The following ADAMTS18 variants were observed in gnomAD, a reference collection of about 807,000 sequenced individuals.
The protein encoded by ADAMTS18 is ADAM metallopeptidase with thrombospondin type 1 motif 18.
ADAMTS18 carries 157 observed loss-of-function variants against 165.9 expected under a neutral mutation model. That is an observed-to-expected ratio of 0.95 (90% CI 0.83 to 1.08). The LOEUF (loss-of-function observed/expected upper bound fraction) is 1.08. ADAMTS18 is among the 50% of genes least tolerant of loss of function. The pLI, the probability that ADAMTS18 is intolerant of heterozygous loss-of-function variation, is 0.00. For synonymous variants in ADAMTS18, 782 were observed against 578.2 expected, an observed-to-expected ratio of 1.35 and a Z score of -5.06; for missense variants, 2,040 against 1,534.0, an observed-to-expected ratio of 1.33 and a Z score of -5.51.
chr16:77,385,660 G>A (rs1313183851), intron 3 of ADAMTS18, among the ~76,000 whole-genome samples: 2 of 152,186 alleles, frequency 1.3e-5, no homozygotes, highest in Non-Finnish European at 2.9e-5. Flanking sequence ...GGAATCAGCT[G>A]TTAAGAGATG....
intron 3 of ADAMTS18, among the ~76,000 whole-genome samples, chr16:77,403,926 T>C (rs973666371): frequency 2.6e-5 from 4 of 152,078 alleles, no homozygotes; most frequent in Admixed American, 6.6e-5. Flanking sequence ...GAAGGAAGGC[T>C]TTCCTAAGAG....
intron 3 of ADAMTS18, among the ~76,000 whole-genome samples, chr16:77,426,157 T>C (rs2057670069): frequency 6.6e-6 from 1 of 152,174 alleles, no homozygotes. Context: ...GTATGAAATA[T>C]GTTAAAGATG....
At chr16:77,397,855 T>A (rs1416930247) in intron 3 of ADAMTS18, among the ~76,000 whole-genome samples, 1 of 152,214 alleles carries the variant, frequency 6.6e-6, no homozygotes, top group African/African-American at 2.4e-5. Flanking sequence ...GCACCTTCCC[T>A]ACTGAGATGT....
At chr16:77,297,550 T>TA (rs2055498086) in intron 17 of ADAMTS18, 135 bp from the exon 18 acceptor site, 1 of 866,568 alleles carries the variant, frequency 1.2e-6, no homozygotes, top group East Asian at 2.6e-5. Flanking sequence ...GTGGAACGCT[T>TA]CCTTTTGATG....
chr16:77,397,491 C>T (rs539909930), intron 3 of ADAMTS18, among the ~76,000 whole-genome samples: 65 of 152,290 alleles, frequency 4.3e-4, no homozygotes, highest in Admixed American at 7.8e-4. Flanking sequence ...TTCTTTTTGA[C>T]AAGTTTAATG....
At chr16:77,332,046 C>G (rs2056197929) in intron 12 of ADAMTS18, among the ~76,000 whole-genome samples, 1 of 152,284 alleles carries the variant, frequency 6.6e-6, no homozygotes, top group South Asian at 2.1e-4. Flanking sequence ...AAGCACTTCA[C>G]AAATGTTAAC....
intron 22 of ADAMTS18, among the ~76,000 whole-genome samples, chr16:77,284,330 G>C (rs1228651783): frequency 2.6e-5 from 4 of 152,008 alleles, no homozygotes; most frequent in African/African-American, 7.3e-5. Flanking sequence ...TTTCCACCAT[G>C]CTGGCCAGGC....
chr16:77,420,204 A>C (rs1190685738), intron 3 of ADAMTS18, among the ~76,000 whole-genome samples: 5 of 151,834 alleles, frequency 3.3e-5, no homozygotes, highest in Admixed American at 1.3e-4. Flanking sequence ...GCAACTAGTA[A>C]GTCTAATTAT....
rs2056723670 is a variant in ADAMTS18 at position 77,362,097 on chromosome 16, T to C, written c.1216+8A>G. 1 of 1,613,932 alleles carries C rather than the reference T, an allele frequency of 6.2e-7. No homozygotes were observed. On this transcript the variant is annotated splice_region_variant and intron_variant, in intron 7 of 22. Transcript: ENST00000282849. ...CAGGTGTGTGTGAAGGATCTGTTCATACCATACCTAGAGTGTCACATGGTT... is the reference window on the plus strand; with the variant it reads ...CAGGTGTGTGTGAAGGATCTGTTCACACCATACCTAGAGTGTCACATGGTT...
At chr16:77,397,733 T>C (rs887928565) in intron 3 of ADAMTS18, among the ~76,000 whole-genome samples, 1 of 152,248 alleles carries the variant, frequency 6.6e-6, no homozygotes, top group African/African-American at 2.4e-5. Flanking sequence ...GTTGAGTAAG[T>C]TGCCCACATT....
intron 3 of ADAMTS18, among the ~76,000 whole-genome samples, chr16:77,394,365 C>T (rs1024615175): frequency 5.9e-5 from 9 of 152,110 alleles, no homozygotes; most frequent in Non-Finnish European, 1.2e-4. Flanking sequence ...CCTCTCCGAG[C>T]TTCAGGGATC....
chr16:77,318,574 C>CTATG (rs2055929270), intron 16 of ADAMTS18, among the ~76,000 whole-genome samples: 1 of 152,258 alleles, frequency 6.6e-6, no homozygotes, highest in East Asian at 1.9e-4. Context: ...TGAACCTACT[C>CTATG]TATTACAGTC....
intron 9 of ADAMTS18, among the ~76,000 whole-genome samples, 152 bp downstream of exon 9, chr16:77,355,785 GTCA>G (rs2144718362): frequency 6.6e-6 from 1 of 152,196 alleles, no homozygotes; most frequent in Non-Finnish European, 1.5e-5. Context: ...TTTCAACAAT[GTCA>G]TCATCACCAT....
intron 3 of ADAMTS18, among the ~76,000 whole-genome samples, chr16:77,429,061 A>G (rs1290143818): frequency 6.6e-6 from 1 of 152,198 alleles, no homozygotes; most frequent in Admixed American, 6.5e-5. Flanking sequence ...AAGCAGAAAT[A>G]CCATTCAACC....
chr16:77,405,937 G>T (rs1193309346), intron 3 of ADAMTS18, among the ~76,000 whole-genome samples: 1 of 151,956 alleles, frequency 6.6e-6, no homozygotes, highest in South Asian at 2.1e-4. Flanking sequence ...AGAAAGTGAC[G>T]ATCTAATAAT....
chr16:77,389,618 C>A (rs1597213094), intron 3 of ADAMTS18, among the ~76,000 whole-genome samples: 1 of 152,164 alleles, frequency 6.6e-6, no homozygotes, highest in Admixed American at 6.5e-5. Flanking sequence ...CACAAGACAG[C>A]CGTTTTCTGC....
intron 22 of ADAMTS18, among the ~76,000 whole-genome samples, chr16:77,287,702 C>T (rs993007727): frequency 3.3e-5 from 5 of 152,086 alleles, no homozygotes; most frequent in Admixed American, 3.3e-4. Context: ...AAACTCCGGA[C>T]CTCAGGTGAT....
chr16:77,431,978 A>T (rs1236265509), intron 2 of ADAMTS18, among the ~76,000 whole-genome samples: 1 of 152,138 alleles, frequency 6.6e-6, no homozygotes, highest in African/African-American at 2.4e-5. Flanking sequence ...ATAAAATTTA[A>T]TTTTTTTGAA....
chr16:77,381,788 C>T (rs549390318), intron 3 of ADAMTS18, among the ~76,000 whole-genome samples: 2 of 152,096 alleles, frequency 1.3e-5, no homozygotes, highest in Non-Finnish European at 2.9e-5. Context: ...GGTGACAGAG[C>T]GAGACTCCAT....
Sources: allele counts gnomAD v4.1 joint callset (sites outside exome capture counted in the v4.1 genomes callset), GRCh38; gene constraint gnomAD v4.1.1; transcripts MANE v1.5; gene names NCBI Gene and HGNC (gene_info 2026-07-23, HGNC 2026-07-21).